The following EFL1 variants were observed in gnomAD, a reference collection of about 807,000 sequenced individuals.
EFL1 encodes elongation factor-like GTPase 1.
Under a neutral mutation model 126.7 loss-of-function variants are expected in EFL1, and 76 were observed. The observed-to-expected ratio is 0.60, with a 90% CI of 0.50 to 0.73. The LOEUF (loss-of-function observed/expected upper bound fraction) is 0.73, where lower values mean the gene tolerates loss of function less well. Ranked by LOEUF, EFL1 falls within the 30% of genes least tolerant of loss-of-function variation. The pLI, the probability that EFL1 is intolerant of heterozygous loss-of-function variation, is 0.00. For synonymous variants in EFL1, 410 were observed against 448.4 expected, an observed-to-expected ratio of 0.91 and a Z score of 1.08; for missense variants, 1,128 against 1,343.2, an observed-to-expected ratio of 0.84 and a Z score of 2.50.
chr15:82,176,335 A>C (rs2074196086), intron 15 of EFL1, among the ~76,000 whole-genome samples: 1 of 152,224 alleles, frequency 6.6e-6, no homozygotes, highest in South Asian at 2.1e-4. Flanking sequence ...AAAATTGAAA[A>C]ATATTAGATT....
intron 15 of EFL1, among the ~76,000 whole-genome samples, chr15:82,205,009 C>T (rs2867622): frequency 1.6e-4 from 24 of 152,184 alleles, no homozygotes; most frequent in Admixed American, 1.0e-3. Flanking sequence ...ATGAAGAAAA[C>T]TGCAACAAGC....
chr15:82,149,980 C>T (rs753292748), intron 18 of EFL1, among the ~76,000 whole-genome samples: 8 of 152,102 alleles, frequency 5.3e-5, no homozygotes, highest in Non-Finnish European at 1.2e-4. Context: ...CTCTTACTTC[C>T]GCCTTAAGAA....
chr15:82,211,975 G>C (rs905483217), intron 15 of EFL1, among the ~76,000 whole-genome samples: 8 of 152,194 alleles, frequency 5.3e-5, no homozygotes, highest in African/African-American at 1.9e-4. Context: ...AAGCAATCGT[G>C]AAGATAATCT....
At chr15:82,249,018 C>T (rs1186066188) in intron 4 of EFL1, among the ~76,000 whole-genome samples, 1 of 151,944 alleles carries the variant, frequency 6.6e-6, no homozygotes, top group East Asian at 1.9e-4. Flanking sequence ...ACAGTGTGTG[C>T]ATACACATAC....
Position 82,151,550 on chromosome 15 carries a change from T to C in EFL1, c.2904A>G (p.Ala968=), listed in dbSNP as rs1464923508. 2.5e-6 allele frequency: 4 copies of C among 1,614,190 alleles called. No homozygotes were observed. Among genetic ancestry groups the C allele is most frequent in the African/African-American group, 1.3e-5 (1 of 75,056 alleles). ...SGQLIATMKE[A]CRYALQVKPQ... is the part of the protein sequence containing the mutation. Reference sequence around the variant, plus strand: ...GTTTCACTTGCAGTGCATAGCGACATGCTTCTTTCATGGTGGCAATTAGCT... The same window carrying C: ...GTTTCACTTGCAGTGCATAGCGACACGCTTCTTTCATGGTGGCAATTAGCT... Residue 968 remains alanine (A), a synonymous_variant, in exon 18 of 20, where the codon GCA becomes GCG. Transcript: ENST00000268206.
chr15:82,152,548 T>TA, intron 17 of EFL1, 125 bp from the exon 18 acceptor site: 3 of 838,924 alleles, frequency 3.6e-6, no homozygotes, highest in Non-Finnish European at 5.3e-6. Flanking sequence ...TATCTTACTA[T>TA]GAAAGATCTG....
intron 18 of EFL1, 131 bp from the exon 19 acceptor site, chr15:82,138,973 A>C: frequency 1.2e-6 from 1 of 862,106 alleles, no homozygotes; most frequent in Non-Finnish European, 1.6e-6. Flanking sequence ...TTGATTTACA[A>C]AAGCAAGGAA....
At chr15:82,140,813 A>C (rs1467690051) in intron 18 of EFL1, among the ~76,000 whole-genome samples, 1 of 152,196 alleles carries the variant, frequency 6.6e-6, no homozygotes, top group Non-Finnish European at 1.5e-5. Context: ...GAATCACACA[A>C]CAGTGGGGTA....
At chr15:82,217,384 A>AAAG (rs2074660215) in intron 14 of EFL1, among the ~76,000 whole-genome samples, 1 of 150,534 alleles carries the variant, frequency 6.6e-6, no homozygotes, top group Non-Finnish European at 1.5e-5. Flanking sequence ...AAAAAAAAAA[A>AAAG]AAAAAAAAAA....
At chr15:82,228,702 T>C (rs1461100417) in intron 9 of EFL1, among the ~76,000 whole-genome samples, 1 of 152,256 alleles carries the variant, frequency 6.6e-6, no homozygotes, top group Non-Finnish European at 1.5e-5. Flanking sequence ...TCCCCATTAA[T>C]GATCCTAGCT....
At chr15:82,246,856 A>C (rs1300471693) in intron 4 of EFL1, among the ~76,000 whole-genome samples, 2 of 152,148 alleles carry the variant, frequency 1.3e-5, no homozygotes, top group African/African-American at 4.8e-5. Context: ...CAGAAGGTTT[A>C]AAATAGGTAT....
At chr15:82,261,297 A>T (rs1229668437) in intron 2 of EFL1, among the ~76,000 whole-genome samples, 1 of 152,232 alleles carries the variant, frequency 6.6e-6, no homozygotes, top group Non-Finnish European at 1.5e-5. Flanking sequence ...CCACCTTCAG[A>T]CATACTAAGC....
chr15:82,236,007 A>C (rs1164683767), intron 7 of EFL1, among the ~76,000 whole-genome samples: 2 of 152,214 alleles, frequency 1.3e-5, no homozygotes, highest in East Asian at 3.8e-4. Context: ...ACATACAAAA[A>C]TTAATTGTAT....
intron 4 of EFL1, among the ~76,000 whole-genome samples, chr15:82,245,496 T>G (rs186574628): frequency 6.6e-6 from 1 of 152,132 alleles, no homozygotes; most frequent in Non-Finnish European, 1.5e-5. Flanking sequence ...ATGTATAACA[T>G]TATAAGTTAT....
In EFL1 at chr15:82,187,795, G is replaced by A. The variant is rs1271853254; in HGVS notation, c.1751-23811C>T. 3.9e-5 allele frequency among the ~76,000 whole-genome samples: 6 copies of A among 152,038 alleles called. No homozygotes were observed. In the East Asian group the frequency reaches 1.2e-3, roughly 29 times the overall value. ...AAAATGTCTAGAGGAGGGAATATTT[G>A]TTAAATTTTTATATTTTACTCTTTT... On this transcript the variant is annotated intron_variant, in intron 15 of 19. Coordinates refer to ENST00000268206, the MANE Select transcript of EFL1 (RefSeq NM_024580.6).
intron 4 of EFL1, among the ~76,000 whole-genome samples, chr15:82,241,659 C>A (rs765284253): frequency 1.2e-4 from 19 of 152,206 alleles, no homozygotes; most frequent in Non-Finnish European, 2.5e-4. Context: ...TGGGAGCCAG[C>A]CACTATGATA....
At chr15:82,164,016 A>G (rs369539916) in intron 15 of EFL1, 32 bp from the exon 16 acceptor site, 70 of 1,606,610 alleles carry the variant, frequency 4.4e-5, no homozygotes, top group Non-Finnish European at 5.6e-5. Flanking sequence ...ACGGTCAATA[A>G]GGGATGATAA....
intron 15 of EFL1, among the ~76,000 whole-genome samples, chr15:82,198,230 C>G (rs1176042520): frequency 6.6e-6 from 1 of 152,106 alleles, no homozygotes; most frequent in African/African-American, 2.4e-5. Flanking sequence ...CCTGCTAGAG[C>G]TGGAACATTG....
intron 19 of EFL1, among the ~76,000 whole-genome samples, chr15:82,137,465 C>T (rs186946687): frequency 9.2e-5 from 14 of 152,102 alleles, no homozygotes; most frequent in Admixed American, 5.2e-4. Context: ...ACTCAGAGAA[C>T]GAACCACAAG....
Sources: gnomAD v4.1 joint callset for allele counts (sites outside exome capture counted in the v4.1 genomes callset) on GRCh38, gnomAD v4.1.1 for gene constraint, MANE v1.5 for transcripts, NCBI Gene and HGNC (gene_info 2026-07-23, HGNC 2026-07-21) for gene names.